The following KIF3C variants were observed in gnomAD, a reference collection of about 807,000 sequenced individuals.
KIF3C encodes the protein kinesin-like protein KIF3C.
In KIF3C, 12 loss-of-function variants were observed where a neutral mutation model predicts 67.7. The ratio of observed to expected loss-of-function variants is 0.18; its 90% confidence interval spans 0.11 to 0.29. KIF3C has a LOEUF of 0.29. KIF3C is among the 10% of genes least tolerant of loss of function. The pLI, the probability that KIF3C is intolerant of heterozygous loss-of-function variation, is 1.00. For missense variants in KIF3C, 789 were observed against 1,059.6 expected, an observed-to-expected ratio of 0.74 and a Z score of 3.55; for synonymous variants, 393 against 426.2, an observed-to-expected ratio of 0.92 and a Z score of 0.96.
chr2:25,927,321 A>C lies in KIF3C; in HGVS notation c.*1657T>G, dbSNP rs1001219202. ...GCCACCTGGTGAATTTCTACACACA[A>C]CTCCTGTCCCAGCCACAGTCGAACC... On this transcript the variant is annotated 3_prime_UTR_variant, in exon 8 of 8. Coordinates refer to ENST00000264712, the MANE Select transcript of KIF3C (RefSeq NM_002254.8). 2.0e-5 allele frequency: 3 copies of C among 152,368 alleles called. No individual in the cohort carries two copies. Among genetic ancestry groups the C allele is most frequent in the Non-Finnish European group, 4.4e-5 (3 of 67,982 alleles). The allele number at this position is 152,368 out of a possible 1,614,324, so 9.4% of individuals were successfully genotyped here.
chr2:25,975,026 C>CAAAAAAA (rs1196962529), intron 1 of KIF3C, among the ~76,000 whole-genome samples: 16 of 116,520 alleles, frequency 1.4e-4, no homozygotes, highest in African/African-American at 5.8e-4. Context: ...AACTCCATCT[C>CAAAAAAA]AAAAAAAAAA....
At chr2:25,942,699 C>G (rs7578482) in intron 5 of KIF3C, among the ~76,000 whole-genome samples, 1 of 151,982 alleles carries the variant, frequency 6.6e-6, no homozygotes, top group African/African-American at 2.4e-5. Flanking sequence ...CGTGAGCCAC[C>G]GCGCCAGTGC....
chr2:25,959,107 A>G (rs1005996034), intron 1 of KIF3C, among the ~76,000 whole-genome samples: 1 of 152,078 alleles, frequency 6.6e-6, no homozygotes, highest in Non-Finnish European at 1.5e-5. Context: ...AGCTCCCTCA[A>G]TGGGCCATGG....
chr2:25,928,068 A>T lies in KIF3C; in HGVS notation c.*910T>A, dbSNP rs2090426594. ...GGGTAGAATGACATTGACTCCTCCC[A>T]CTGTGAACGGGGTCTAGGCAGCTGC... On this transcript the variant is annotated 3_prime_UTR_variant, in exon 8 of 8. Coordinates refer to ENST00000264712, the MANE Select transcript of KIF3C (RefSeq NM_002254.8). 1 of 152,616 alleles carries T rather than the reference A, an allele frequency of 6.6e-6. No homozygotes were observed. Among genetic ancestry groups the T allele is most frequent in the Non-Finnish European group, 1.5e-5 (1 of 68,040 alleles). 9.5% of individuals were successfully genotyped at this position (152,616 alleles called of 1,614,324 possible).
intron 5 of KIF3C, among the ~76,000 whole-genome samples, chr2:25,940,963 T>C (rs919285376): frequency 6.6e-6 from 1 of 152,032 alleles, no homozygotes; most frequent in African/African-American, 2.4e-5. Flanking sequence ...AAATTCAGAA[T>C]GTTCTAAATC....
intron 5 of KIF3C, among the ~76,000 whole-genome samples, chr2:25,949,023 T>A (rs1400712542): frequency 6.6e-6 from 1 of 152,168 alleles, no homozygotes; most frequent in East Asian, 1.9e-4. Flanking sequence ...GAAATCATCA[T>A]AAAGGACATT....
chr2:25,962,829 TATATAAAA>T (rs1559555142), intron 1 of KIF3C, among the ~76,000 whole-genome samples: 9 of 79,204 alleles, frequency 1.1e-4, no homozygotes, highest in Admixed American at 4.4e-4. Flanking sequence ...ATATATAAAA[TATATAAAA>T]TATATAATAT....
chr2:25,976,238 G>T (rs1664411484), intron 1 of KIF3C, among the ~76,000 whole-genome samples: 1 of 152,056 alleles, frequency 6.6e-6, no homozygotes, highest in Non-Finnish European at 1.5e-5. Flanking sequence ...CTGGCTTCCG[G>T]GGCTGCTTCT....
At chr2:25,940,682 G>A (rs1175282886) in intron 5 of KIF3C, among the ~76,000 whole-genome samples, 1 of 90,052 alleles carries the variant, frequency 1.1e-5, no homozygotes, top group South Asian at 4.1e-4. Context: ...TTTGAGTCTC[G>A]CTCTGTTGCT....
At chr2:25,969,355 A>G (rs911963429) in intron 1 of KIF3C, among the ~76,000 whole-genome samples, 14 of 152,120 alleles carry the variant, frequency 9.2e-5, no homozygotes, top group African/African-American at 2.9e-4. Context: ...TTTTTCCTTT[A>G]AAAAATTCAG....
chr2:25,932,673 A>C (rs924022133), intron 5 of KIF3C, among the ~76,000 whole-genome samples: 2 of 150,246 alleles, frequency 1.3e-5, no homozygotes, highest in African/African-American at 4.9e-5. Context: ...TCTTTACTAA[A>C]AATACAAAAA....
chr2:25,952,108 A>G (rs949052054), intron 4 of KIF3C, among the ~76,000 whole-genome samples: 2 of 152,088 alleles, frequency 1.3e-5, no homozygotes, highest in Non-Finnish European at 2.9e-5. Context: ...TGGCTAACAC[A>G]GTGAAACACC....
chr2:25,964,549 C>A (rs1664094358), intron 1 of KIF3C, among the ~76,000 whole-genome samples: 1 of 152,202 alleles, frequency 6.6e-6, no homozygotes, highest in Non-Finnish European at 1.5e-5. Context: ...TCACTGCAGC[C>A]TCCAGCTCCT....
At chr2:25,938,562 G>A (rs973982690) in intron 5 of KIF3C, among the ~76,000 whole-genome samples, 14 of 152,120 alleles carry the variant, frequency 9.2e-5, no homozygotes, top group East Asian at 3.9e-4. Context: ...GAGGATCAGC[G>A]CAAATTGGCA....
intron 1 of KIF3C, among the ~76,000 whole-genome samples, chr2:25,964,177 G>C (rs548385149): frequency 6.6e-6 from 1 of 151,966 alleles, no homozygotes; most frequent in African/African-American, 2.4e-5. Context: ...GCATGGTGGC[G>C]TGCACCTGGA....
intron 5 of KIF3C, among the ~76,000 whole-genome samples, chr2:25,937,170 A>C (rs975661016): frequency 6.6e-6 from 1 of 152,236 alleles, no homozygotes; most frequent in Non-Finnish European, 1.5e-5. Context: ...CAAGGATAAA[A>C]GTCAAAAGGC....
chr2:25,951,118 T>C (rs1663599519), intron 5 of KIF3C, among the ~76,000 whole-genome samples: 1 of 152,010 alleles, frequency 6.6e-6, no homozygotes, highest in African/African-American at 2.4e-5. Flanking sequence ...CTCTATATAT[T>C]TGCAATTAAG....
At chr2:25,971,102 C>T (rs1664272548) in intron 1 of KIF3C, among the ~76,000 whole-genome samples, 1 of 151,896 alleles carries the variant, frequency 6.6e-6, no homozygotes, top group African/African-American at 2.4e-5. Context: ...GAAACCCCGT[C>T]TTTACTAAAA....
rs139600160 is a variant in KIF3C, at chr2:25,942,785, A to T, written c.2006+9004T>A. The stretch of plus-strand genomic sequence containing the variant: ...AAGGCACCTCACCTTATATTATTTT[A>T]TATCAAATAATGGCTACATGGAGAT... On this transcript the variant is annotated intron_variant, in intron 5 of 7. Transcript: ENST00000264712. 1.1e-3 allele frequency among the ~76,000 whole-genome samples: 167 copies of T among 152,326 alleles called. 1 individual carries two copies. The highest frequency in any genetic ancestry group is 3.9e-3 in the African/African-American group (162 of 41,578).
Sources: gnomAD v4.1 joint callset for allele counts (sites outside exome capture counted in the v4.1 genomes callset) on GRCh38, gnomAD v4.1.1 for gene constraint, MANE v1.5 for transcripts, NCBI Gene and HGNC (gene_info 2026-07-23, HGNC 2026-07-21) for gene names.